MAPK8IP3: variants seen among roughly 807,000 people sequenced by gnomAD.
MAPK8IP3 encodes the protein C-Jun-amino-terminal kinase-interacting protein 3.
In MAPK8IP3, 49 loss-of-function variants were observed where a neutral mutation model predicts 157.8. The ratio of observed to expected loss-of-function variants is 0.31; its 90% confidence interval spans 0.25 to 0.39. The LOEUF is 0.39. Among genes scored for constraint, MAPK8IP3 ranks in the 10% least tolerant of loss-of-function variants. The pLI is 1.00. For missense variants in MAPK8IP3, 1,478 were observed against 1,889.4 expected, an observed-to-expected ratio of 0.78 and a Z score of 4.04; for synonymous variants, 897 against 777.7, an observed-to-expected ratio of 1.15 and a Z score of -2.55.
Position 1,766,837 on chromosome 16 carries a change from G to A in MAPK8IP3, c.3020+34G>A, listed in dbSNP as rs78327152. 5,913 of 1,612,258 alleles carry A rather than the reference G, an allele frequency of 3.7e-3. 196 individuals carry two copies. The African/African-American group carries it at 0.065, about 18-fold the overall frequency. The stretch of plus-strand genomic sequence containing the variant: ...CCCCAGACCGAGGGCCGGGCGGCGC[G>A]GGGGAACGGGGCGGAGGGGGCTGGC... On this transcript the variant is annotated intron_variant, in intron 24 of 31. Coordinates refer to ENST00000610761, the MANE Select transcript of MAPK8IP3 (RefSeq NM_001318852.2).
Position 1,765,071 on chromosome 16 carries a change from C to A in MAPK8IP3, c.2339C>A (p.Thr780Asn). The change falls in exon 20 of 32, where the codon ACC (threonine) becomes AAC (asparagine). Residue 780 changes from threonine to asparagine, a missense_variant. By Grantham distance (65) the Thr-to-Asn change is moderately conservative (BLOSUM62 0). Around this residue, in one of 11 missense-constraint regions of MAPK8IP3, gnomAD observed 669 missense variants for 759.8 expected, o/e 0.88. Coordinates refer to ENST00000610761, the MANE Select transcript of MAPK8IP3 (RefSeq NM_001318852.2). ...AGCCGGGTGTGGATCCTGACCAGCACCCTGACCACCAGCAAGGTGGTGATC... is the reference window on the plus strand; with the variant it reads ...AGCCGGGTGTGGATCCTGACCAGCAACCTGACCACCAGCAAGGTGGTGATC... ...TSSRVWILTS[T>N]LTTSKVVIID... is the part of the protein sequence containing the mutation. 1.9e-6 allele frequency: 3 copies of A among 1,612,624 alleles called. No individual in the cohort carries two copies. The highest frequency in any genetic ancestry group is 2.5e-6 in the Non-Finnish European group (3 of 1,179,826).
chr16:1,742,747 G>A lies in MAPK8IP3; in HGVS notation c.603-585G>A, dbSNP rs1046753293. ...CTAAAAGGCATTGCTCATGGTGGCC[G>A]TGCAGCGCTGACCGTGATGCCAAGT... On this transcript the variant is annotated intron_variant, in intron 4 of 31. Transcript: ENST00000610761. The surrounding 1 kb of genome is among the most constrained non-coding windows in gnomAD (Gnocchi z 5.0). Among the ~76,000 whole-genome samples, 2 of 152,158 alleles carry A rather than the reference G, an allele frequency of 1.3e-5. No homozygotes were observed. Among genetic ancestry groups the A allele is most frequent in the African/African-American group, 2.4e-5 (1 of 41,434 alleles).
At chr16:1,759,361 C>G (rs1345048761) in intron 10 of MAPK8IP3, among the ~76,000 whole-genome samples, 3 of 152,248 alleles carry the variant, frequency 2.0e-5, no homozygotes, top group African/African-American at 7.2e-5. Flanking sequence ...TGTTTCATGA[C>G]TGCATACACA....
At chr16:1,747,838 A>G (rs547808215) in intron 6 of MAPK8IP3, among the ~76,000 whole-genome samples, 20 of 152,196 alleles carry the variant, frequency 1.3e-4, no homozygotes, top group African/African-American at 4.1e-4. Context: ...CCCACTAACC[A>G]GTAGCCTACG....
At chr16:1,737,178 G>A (rs559620282) in intron 4 of MAPK8IP3, among the ~76,000 whole-genome samples, 2 of 98,216 alleles carry the variant, frequency 2.0e-5, no homozygotes, top group African/African-American at 3.9e-5. Flanking sequence ...CCGTGTGAGC[G>A]TGTGACCGTC....
rs543503183 is a variant in MAPK8IP3, at chr16:1,762,894, T to A, written c.1786T>A (p.Ser596Thr). The change falls in exon 16 of 32, where the codon TCG (serine) becomes ACG (threonine). Residue 596 changes from serine (S) to threonine (T), a missense_variant. Ser to Thr is a moderately conservative substitution (Grantham distance 58, BLOSUM62 1). Coordinates refer to ENST00000610761, the MANE Select transcript of MAPK8IP3 (RefSeq NM_001318852.2). ...SPPPAKRPYP[S>T]VNIHYKSPTT... ...CCCTCCGGCCAAGCGCCCCTATCCC[T>A]CGGTGAACATCCACTACAAGTCACC... 6.2e-7 allele frequency: 1 copy of A among 1,612,814 alleles called. No individual in the cohort carries two copies. The highest frequency in any genetic ancestry group is 1.7e-5 in the Admixed American group (1 of 60,004).
chr16:1,737,865 T>G (rs1419257547), intron 4 of MAPK8IP3, among the ~76,000 whole-genome samples: 1 of 81,600 alleles, frequency 1.2e-5, no homozygotes, highest in Non-Finnish European at 2.3e-5. Context: ...CATGTGAGCA[T>G]CTGTGTGACC....
chr16:1,746,850 G>A (rs768699286), intron 5 of MAPK8IP3, 179 bp from the exon 6 acceptor site: 18 of 688,326 alleles, frequency 2.6e-5, no homozygotes, highest in Non-Finnish European at 4.0e-5. Context: ...AGAGCCACTC[G>A]GGAGTGGTGA....
intron 26 of MAPK8IP3, 58 bp downstream of exon 26, chr16:1,767,355 C>T (rs748035265): frequency 6.9e-6 from 11 of 1,602,982 alleles, no homozygotes; most frequent in Non-Finnish European, 8.5e-6. Context: ...CAGCAGCTCT[C>T]CCGCATCTTC....
rs1416522094 is a variant in MAPK8IP3 at position 1,768,696 on chromosome 16, C to A, written c.3893-7C>A. The A allele has an allele frequency of 6.2e-7, 1 of 1,611,754 alleles. No individual in the cohort carries two copies. The highest frequency in any genetic ancestry group is 8.5e-7 in the Non-Finnish European group (1 of 1,179,330). On this transcript the variant is annotated splice_polypyrimidine_tract_variant and splice_region_variant and intron_variant, in intron 31 of 31. Coordinates refer to ENST00000610761, the MANE Select transcript of MAPK8IP3 (RefSeq NM_001318852.2). ...GCCTGGCCGTCACTCTGCTGCTTTG[C>A]CCGCAGGAGACGGAGAGGACGACGA...
intron 4 of MAPK8IP3, among the ~76,000 whole-genome samples, chr16:1,731,873 G>A (rs919297474): frequency 2.0e-5 from 3 of 152,190 alleles, no homozygotes; most frequent in Non-Finnish European, 4.4e-5. Flanking sequence ...CTCAAATACT[G>A]TGTGGATGAG....
At chr16:1,744,169 G>A in intron 5 of MAPK8IP3, 2 of 985,684 alleles carry the variant, frequency 2.0e-6, no homozygotes, top group Non-Finnish European at 2.4e-6. Flanking sequence ...TGGCCTGTGA[G>A]CTCACTGGCC....
At chr16:1,722,453 GTAGAGT>G (rs2038590536) in intron 1 of MAPK8IP3, among the ~76,000 whole-genome samples, 1 of 152,204 alleles carries the variant, frequency 6.6e-6, no homozygotes, top group Admixed American at 6.6e-5. Flanking sequence ...GGGAGAGTGG[GTAGAGT>G]TATTATAGGG....
chr16:1,706,728 C>G lies in MAPK8IP3; in HGVS notation c.318+71C>G, dbSNP rs749017940. The stretch of plus-strand genomic sequence containing the variant: ...AGCCAGCCCCGGGCCCCGGACCCAA[C>G]ACCCGTCCCGACCCCAGACCCCGCT... On this transcript the variant is annotated intron_variant, in intron 1 of 31. Coordinates refer to ENST00000610761, the MANE Select transcript of MAPK8IP3 (RefSeq NM_001318852.2). This position sits in a 1 kb window ranked among gnomAD's most constrained non-coding sequence, Gnocchi z 5.1. 5.4e-5 allele frequency: 78 copies of G among 1,437,408 alleles called. No homozygotes were observed. The highest frequency in any genetic ancestry group is 7.0e-5 in the Non-Finnish European group (76 of 1,088,130). The allele number at this position is 1,437,408 out of a possible 1,614,324, so 89.0% of individuals were successfully genotyped here.
chr16:1,767,513 C>T (rs1266241490), intron 26 of MAPK8IP3, 51 bp from the exon 27 acceptor site: 2 of 1,584,700 alleles, frequency 1.3e-6, no homozygotes, highest in African/African-American at 1.3e-5. Flanking sequence ...TGGGGCTCCC[C>T]ACTTCCTCTC....
chr16:1,754,945 TC>T (rs1276361137), intron 8 of MAPK8IP3, among the ~76,000 whole-genome samples: 1 of 152,180 alleles, frequency 6.6e-6, no homozygotes, highest in Non-Finnish European at 1.5e-5. Flanking sequence ...GCCCCACCGT[TC>T]CCACAGGAAT....
At chr16:1,767,088 G>A (rs181956671) in intron 25 of MAPK8IP3, 61 bp from the exon 26 acceptor site, 371 of 1,597,656 alleles carry the variant, frequency 2.3e-4, no homozygotes, top group Admixed American at 1.6e-3. Context: ...GTCTCAACCC[G>A]ATGCCCTGAG....
rs1293326033 is a variant in MAPK8IP3, at chr16:1,710,074, C to T, written c.318+3417C>T. Among the ~76,000 whole-genome samples the T allele has an allele frequency of 1.3e-5, 2 of 152,090 alleles. No homozygotes were observed. ...TTTTTTCCGAGTTAAATAAAAGTTA[C>T]CGGCCAGGCGCAGCGACTCTCACAT... On this transcript the variant is annotated intron_variant, in intron 1 of 31. Coordinates refer to ENST00000610761, the MANE Select transcript of MAPK8IP3 (RefSeq NM_001318852.2). The surrounding 1 kb of genome is among the most constrained non-coding windows in gnomAD (Gnocchi z 4.1).
At chr16:1,739,219 C>T (rs1344741121) in intron 4 of MAPK8IP3, among the ~76,000 whole-genome samples, 8 of 98,780 alleles carry the variant, frequency 8.1e-5, no homozygotes, top group Admixed American at 2.5e-4. Context: ...TCCGTGTGAG[C>T]GTGTGACCGT....
Sources: gnomAD v4.1 joint callset for allele counts (sites outside exome capture counted in the v4.1 genomes callset) on GRCh38, gnomAD v4.1.1 for gene constraint, gnomAD v4.1.1 regional missense constraint, Gnocchi (gnomAD v3.1) non-coding constraint, MANE v1.5 for transcripts, NCBI Gene and HGNC (gene_info 2026-07-23, HGNC 2026-07-21) for gene names.